Variants in CASP10 observed in about 807,000 individuals in gnomAD.
The protein encoded by CASP10 is caspase-10.
Under a neutral mutation model 48.5 loss-of-function variants are expected in CASP10, and 41 were observed. The ratio of observed to expected loss-of-function variants is 0.85; its 90% CI spans 0.66 to 1.10. The LOEUF (loss-of-function observed/expected upper bound fraction) is 1.10. Among genes scored for constraint, CASP10 ranks in the 50% least tolerant of loss-of-function variants. The probability of loss-of-function intolerance (pLI) is 0.00; values close to 1 mark genes in which losing one functional copy is unlikely to be tolerated. For synonymous variants in CASP10, 232 were observed against 238.4 expected, an observed-to-expected ratio of 0.97 and a Z score of 0.25; for missense variants, 614 against 614.5, an observed-to-expected ratio of 1.00 and a Z score of 0.01.
intron 5 of CASP10, among the ~76,000 whole-genome samples, chr2:201,203,005 C>CAA (rs1416675002): frequency 6.6e-6 from 1 of 152,184 alleles, no homozygotes; most frequent in South Asian, 2.1e-4. Context: ...CCCTTTATTA[C>CAA]AAAAGAGGTA....
chr2:201,204,772 T>G (rs1295096413), intron 6 of CASP10, among the ~76,000 whole-genome samples: 2 of 152,220 alleles, frequency 1.3e-5, no homozygotes, highest in Admixed American at 6.5e-5. Context: ...AATAAAGCAG[T>G]TTCTTTCAGC....
chr2:201,190,419 T>C (rs1944568385), intron 3 of CASP10, among the ~76,000 whole-genome samples: 1 of 152,186 alleles, frequency 6.6e-6, no homozygotes, highest in Admixed American at 6.5e-5. Flanking sequence ...GATCTTCTGC[T>C]TTTGCCGTAA....
chr2:201,229,289 C>T, exon 10 of CASP10: 1 of 607,632 alleles, frequency 1.6e-6, no homozygotes, highest in Non-Finnish European at 2.9e-6. Context: ...CGTAAACATA[C>T]TTCTAAAATT....
rs939442171 is a variant in CASP10 at position 201,219,950 on chromosome 2, T to C, written c.*2209T>C. 1 of 985,266 alleles carries C rather than the reference T, an allele frequency of 1.0e-6. No individual in the cohort carries two copies. The highest frequency in any genetic ancestry group is 1.2e-6 in the Non-Finnish European group (1 of 829,908). The allele number at this position is 985,266 out of a possible 1,614,324, so 61.0% of individuals were successfully genotyped here. A position where few individuals can be genotyped will look rare whatever the true frequency, so the allele number is the denominator to read the frequency against. ...TTGGGGCGTGGAAGGGCATTAGGAG[T>C]GTTTCATTTGATATGTGAATGCTCA... On this transcript the variant is annotated 3_prime_UTR_variant, in exon 10 of 10. Coordinates refer to ENST00000286186, the MANE Select transcript of CASP10 (RefSeq NM_032977.4).
chr2:201,210,653 T>C (rs1481101768), intron 9 of CASP10, among the ~76,000 whole-genome samples: 1 of 152,112 alleles, frequency 6.6e-6, no homozygotes, highest in African/African-American at 2.4e-5. Flanking sequence ...TCCATTCTCA[T>C]CACAGACATC....
At position 201,186,137 on chromosome 2, in the gene CASP10, C is replaced by G. The variant is rs908733923; in HGVS notation, c.347+13C>G. ...TTTCTCTGTTTAGGTGAGGACGGGT[C>G]TGTGGTGGAGATGGGAGGATCTCCC... On this transcript the variant is annotated intron_variant, in intron 2 of 9. Coordinates refer to ENST00000286186, the MANE Select transcript of CASP10 (RefSeq NM_032977.4). 1 of 1,593,022 alleles carries G rather than the reference C, an allele frequency of 6.3e-7. No homozygotes were observed. The highest frequency in any genetic ancestry group is 1.3e-5 in the African/African-American group (1 of 74,594).
rs1281806200 is a variant in CASP10, at chr2:201,218,867, G to T, written c.*1126G>T. On this transcript the variant is annotated 3_prime_UTR_variant, in exon 10 of 10. Coordinates refer to ENST00000286186, the MANE Select transcript of CASP10 (RefSeq NM_032977.4). Reference sequence around the variant, plus strand: ...TTTCCTGCTTTTGTGTAAGGAAGGTGCTCACATAGGAAGTTTTTATTTGGT... The same window carrying T: ...TTTCCTGCTTTTGTGTAAGGAAGGTTCTCACATAGGAAGTTTTTATTTGGT... The T allele has an allele frequency of 3.2e-5, 32 of 985,338 alleles. No homozygotes were observed. Among genetic ancestry groups the T allele is most frequent in the South Asian group, 4.7e-5 (1 of 21,292 alleles). The allele number at this position is 985,338 out of a possible 1,614,324, so 61.0% of individuals were successfully genotyped here.
chr2:201,217,837 A>T lies in CASP10; in HGVS notation c.*96A>T. The T allele has an allele frequency of 6.2e-7, 1 of 1,610,172 alleles. No homozygotes were observed. The highest frequency in any genetic ancestry group is 8.5e-7 in the Non-Finnish European group (1 of 1,178,138). Reference sequence around the variant, plus strand: ...CAGGAATCGGTGGTCTCCACCTGTCATTCTAGAAACAGGAAACACCGTGTT... The same window carrying T: ...CAGGAATCGGTGGTCTCCACCTGTCTTTCTAGAAACAGGAAACACCGTGTT... On this transcript the variant is annotated 3_prime_UTR_variant, in exon 10 of 10. Coordinates refer to ENST00000286186, the MANE Select transcript of CASP10 (RefSeq NM_032977.4).
chr2:201,203,997 C>A (rs1379622841), intron 6 of CASP10, among the ~76,000 whole-genome samples: 2 of 152,098 alleles, frequency 1.3e-5, no homozygotes, highest in African/African-American at 2.4e-5. Context: ...CCTAGTATAG[C>A]AGATTCTAGG....
chr2:201,227,234 C>T (rs1180430076), intron 9 of CASP10, among the ~76,000 whole-genome samples: 2 of 152,096 alleles, frequency 1.3e-5, no homozygotes, highest in Non-Finnish European at 1.5e-5. Flanking sequence ...TGGAATTTAG[C>T]CACCAGATTG....
In CASP10 at chr2:201,203,720, T is replaced by C; in HGVS notation, c.685-10T>C. On this transcript the variant is annotated splice_polypyrimidine_tract_variant and intron_variant, in intron 5 of 9. Coordinates refer to ENST00000286186, the MANE Select transcript of CASP10 (RefSeq NM_032977.4). Reference sequence around the variant, plus strand: ...TCCTATGTTTCATGCCCTCCTTTCTTTTTTCTCAGCAGGAGTCCTGGCAAA... The same window carrying C: ...TCCTATGTTTCATGCCCTCCTTTCTCTTTTCTCAGCAGGAGTCCTGGCAAA... 1 of 1,613,216 alleles carries C rather than the reference T, an allele frequency of 6.2e-7. No individual in the cohort carries two copies. The highest frequency in any genetic ancestry group is 1.7e-5 in the Admixed American group (1 of 60,020).
intron 1 of CASP10, among the ~76,000 whole-genome samples, chr2:201,183,514 G>C (rs1184122214): frequency 6.6e-6 from 1 of 152,134 alleles, no homozygotes; most frequent in African/African-American, 2.4e-5. Context: ...AAATATGTTA[G>C]CTCACAGAGA....
intron 9 of CASP10, among the ~76,000 whole-genome samples, chr2:201,211,704 T>C (rs1945400302): frequency 6.6e-6 from 1 of 152,180 alleles, no homozygotes; most frequent in African/African-American, 2.4e-5. Context: ...CTCTCTGACA[T>C]ATTGATTGCA....
intron 8 of CASP10, chr2:201,208,471 T>G (rs1325845653): frequency 1.8e-6 from 1 of 567,678 alleles, no homozygotes; most frequent in Non-Finnish European, 2.2e-6. Flanking sequence ...TAACTAGGTG[T>G]GTGATCATGG....
chr2:201,208,079 C>G lies in CASP10; in HGVS notation c.818C>G (p.Ala273Gly). ...TLNSETSTKR[A>G]AVYRMNRNHR... ...TGGCTCTATCTATTCTTCAAGAGGG[C>G]AGCTGTGTACAGGATGAATCGGAAC... Residue 273 changes from alanine to glycine, a missense_variant, in exon 8 of 10, where the codon GCA (alanine) becomes GGA (glycine). Coordinates refer to ENST00000286186, the MANE Select transcript of CASP10 (RefSeq NM_032977.4). The G allele has an allele frequency of 6.2e-7, 1 of 1,611,630 alleles. No homozygotes were observed. Among genetic ancestry groups the G allele is most frequent in the South Asian group, 1.1e-5 (1 of 91,040 alleles).
intron 9 of CASP10, among the ~76,000 whole-genome samples, chr2:201,227,351 A>G (rs1006595073): frequency 6.6e-6 from 1 of 151,926 alleles, no homozygotes; most frequent in African/African-American, 2.4e-5. Context: ...TTTGGTGGTG[A>G]TTTCTGTGGC....
At chr2:201,188,188 GT>G (rs1453896503) in intron 3 of CASP10, among the ~76,000 whole-genome samples, 2 of 150,484 alleles carry the variant, frequency 1.3e-5, no homozygotes, top group African/African-American at 2.4e-5. Context: ...TTTTGTTTTT[GT>G]TTTTTTTTGA....
At chr2:201,189,001 G>A (rs1298612876) in intron 3 of CASP10, among the ~76,000 whole-genome samples, 3 of 149,296 alleles carry the variant, frequency 2.0e-5, no homozygotes, top group Non-Finnish European at 4.5e-5. Context: ...CTCCTGAGTA[G>A]CTGGGATTAC....
rs1017438701 is a variant in CASP10 at position 201,191,402 on chromosome 2, G to A, written c.442-1582G>A. ...TCTCAGCTTTTTTTTGTTGGGGGCGGGGTGGGGAGATCTCATTTTTTGTGT... is the reference window on the plus strand; with the variant it reads ...TCTCAGCTTTTTTTTGTTGGGGGCGAGGTGGGGAGATCTCATTTTTTGTGT... On this transcript the variant is annotated intron_variant, in intron 3 of 9. Coordinates refer to ENST00000286186, the MANE Select transcript of CASP10 (RefSeq NM_032977.4). 9.9e-5 allele frequency among the ~76,000 whole-genome samples: 15 copies of A among 151,958 alleles called. 1 individual carries two copies. Among genetic ancestry groups the A allele is most frequent in the African/African-American group, 2.9e-4 (12 of 41,356 alleles).
Sources: gnomAD v4.1 joint callset for allele counts (sites outside exome capture counted in the v4.1 genomes callset) on GRCh38, gnomAD v4.1.1 for gene constraint, MANE v1.5 for transcripts, NCBI Gene and HGNC (gene_info 2026-07-23, HGNC 2026-07-21) for gene names.